CRY1: variants seen among roughly 807,000 people sequenced by gnomAD.
The protein encoded by CRY1 is cryptochrome-1.
A neutral mutation model predicts 76.0 loss-of-function variants in CRY1; 45 were observed. The observed-to-expected ratio is 0.59, with a 90% CI of 0.47 to 0.76. The LOEUF is 0.76. CRY1 is among the 30% of genes least tolerant of loss of function. The pLI, the probability that CRY1 is intolerant of heterozygous loss-of-function variation, is 0.00. For synonymous variants in CRY1, 248 were observed against 244.0 expected (o/e 1.02, Z -0.15); for missense variants, 587 against 716.4 (o/e 0.82, Z 2.06).
chr12:107,016,175 T>C (rs1038871918), intron 2 of CRY1, among the ~76,000 whole-genome samples: 2 of 152,060 alleles, frequency 1.3e-5, no homozygotes, highest in Non-Finnish European at 2.9e-5. Context: ...CTGGGCATGG[T>C]GGCGCACTCC....
intron 2 of CRY1, among the ~76,000 whole-genome samples, chr12:107,014,138 C>T (rs1301284514): frequency 6.6e-6 from 1 of 152,176 alleles, no homozygotes; most frequent in African/African-American, 2.4e-5. Context: ...ACACAACCTT[C>T]CCTGTAAAGA....
At chr12:107,053,632 A>T (rs1224243392) in intron 1 of CRY1, among the ~76,000 whole-genome samples, 1 of 152,166 alleles carries the variant, frequency 6.6e-6, no homozygotes, top group African/African-American at 2.4e-5. Context: ...ATGTATTTCC[A>T]AAAAGAGAAA....
Position 107,093,192 on chromosome 12 carries a change from G to C in CRY1, c.-231C>G, listed in dbSNP as rs1335241164. 4.1e-6 allele frequency: 2 copies of C among 490,616 alleles called. No individual in the cohort carries two copies. The highest frequency in any genetic ancestry group is 6.9e-6 in the Non-Finnish European group (2 of 287,934). The allele number at this position is 490,616 out of a possible 1,614,324, so 30.4% of individuals were successfully genotyped here. On this transcript the variant is annotated 5_prime_UTR_variant, in exon 1 of 13. Transcript: ENST00000008527. ...CTAGTCGGCGGAGTCCGGGTGTGAC[G>C]CCCTTTAGGAGCCCGCGCCCGCCGC...
intron 1 of CRY1, among the ~76,000 whole-genome samples, chr12:107,039,585 C>A (rs917093655): frequency 2.0e-5 from 3 of 152,118 alleles, no homozygotes; most frequent in African/African-American, 7.2e-5. Flanking sequence ...CATCACAAAT[C>A]ATTAGAGAAA....
At chr12:107,025,972 T>TTCA (rs1952603813) in intron 1 of CRY1, among the ~76,000 whole-genome samples, 1 of 150,550 alleles carries the variant, frequency 6.6e-6, no homozygotes, top group Non-Finnish European at 1.5e-5. Flanking sequence ...TCCCTTTAAG[T>TTCA]TCATATCACA....
At chr12:107,009,098 T>C (rs373257528) in intron 2 of CRY1, among the ~76,000 whole-genome samples, 6 of 152,248 alleles carry the variant, frequency 3.9e-5, no homozygotes, top group African/African-American at 1.4e-4. Context: ...GGGTGTTGAA[T>C]TATGTCAGAT....
intron 2 of CRY1, among the ~76,000 whole-genome samples, chr12:107,012,732 C>T (rs1333644419): frequency 2.0e-5 from 3 of 152,052 alleles, no homozygotes; most frequent in African/African-American, 7.2e-5. Flanking sequence ...ATTCTAGATG[C>T]CAATAAGAAC....
intron 1 of CRY1, among the ~76,000 whole-genome samples, chr12:107,079,179 C>T (rs1953293203): frequency 6.6e-6 from 1 of 152,078 alleles, no homozygotes; most frequent in South Asian, 2.1e-4. Flanking sequence ...AAGCTGATTC[C>T]ACCAGTGAAG....
At chr12:107,057,240 CT>C (rs1305886482) in intron 1 of CRY1, among the ~76,000 whole-genome samples, 2 of 152,108 alleles carry the variant, frequency 1.3e-5, no homozygotes, top group Non-Finnish European at 2.9e-5. Context: ...AAAATCTACA[CT>C]GACTAAACAA....
chr12:107,017,184 T>C (rs528447335), intron 2 of CRY1, among the ~76,000 whole-genome samples: 10 of 152,338 alleles, frequency 6.6e-5, no homozygotes, highest in African/African-American at 2.4e-4. Context: ...CCTAACATGA[T>C]CTATAAAGCC....
intron 1 of CRY1, among the ~76,000 whole-genome samples, chr12:107,026,108 TAAAA>T (rs1952606270): frequency 2.2e-5 from 1 of 46,510 alleles, no homozygotes; most frequent in Non-Finnish European, 4.7e-5. Context: ...AACATATATA[TAAAA>T]TATATATATT....
intron 1 of CRY1, among the ~76,000 whole-genome samples, chr12:107,083,538 T>C (rs922223522): frequency 1.1e-4 from 17 of 152,190 alleles, no homozygotes; most frequent in African/African-American, 3.6e-4. Flanking sequence ...TGGTTCACCA[T>C]ATGCAAATCA....
chr12:107,085,649 G>A (rs939816000), intron 1 of CRY1, among the ~76,000 whole-genome samples: 1 of 152,054 alleles, frequency 6.6e-6, no homozygotes, highest in Non-Finnish European at 1.5e-5. Context: ...AGCACATACC[G>A]GGGCCTGCCA....
At chr12:106,993,555 T>C (rs1157453852) in intron 10 of CRY1, among the ~76,000 whole-genome samples, 1 of 151,880 alleles carries the variant, frequency 6.6e-6, no homozygotes, top group African/African-American at 2.4e-5. Flanking sequence ...TATAGGAGAA[T>C]AGGTTGGCTA....
rs370354984 is a variant in CRY1, at chr12:107,015,859, A to G, written c.267+6225T>C. ...GCTACCATGCCCAGCTAATTTTTAA[A>G]ATTTTCTGTAGAGACAGAGTCTCAC... On this transcript the variant is annotated intron_variant, in intron 2 of 12. Coordinates refer to ENST00000008527, the MANE Select transcript of CRY1 (RefSeq NM_004075.5). Among the ~76,000 whole-genome samples the G allele has an allele frequency of 3.3e-5, 5 of 151,374 alleles. No homozygotes were observed. In the East Asian group the frequency reaches 9.9e-4, roughly 30 times the overall value.
intron 1 of CRY1, among the ~76,000 whole-genome samples, chr12:107,034,291 C>T (rs1952709484): frequency 6.6e-6 from 1 of 152,090 alleles, no homozygotes; most frequent in South Asian, 2.1e-4. Flanking sequence ...AGATGTTACC[C>T]TATATGGTCT....
At chr12:107,037,734 A>G (rs185988250) in intron 1 of CRY1, among the ~76,000 whole-genome samples, 9 of 151,978 alleles carry the variant, frequency 5.9e-5, no homozygotes, top group South Asian at 2.1e-4. Flanking sequence ...TTAGAGAAAG[A>G]GTCTCACTCT....
chr12:107,024,582 G>A (rs1287214191), intron 1 of CRY1, among the ~76,000 whole-genome samples: 2 of 152,074 alleles, frequency 1.3e-5, no homozygotes, highest in Non-Finnish European at 2.9e-5. Context: ...TCCCCACGTT[G>A]CCCAGGCTGG....
intron 1 of CRY1, among the ~76,000 whole-genome samples, chr12:107,052,780 C>T (rs1397839901): frequency 6.6e-6 from 1 of 152,154 alleles, no homozygotes; most frequent in Non-Finnish European, 1.5e-5. Flanking sequence ...ACTCAAAAAA[C>T]CAGTATGGCC....
Sources: allele counts gnomAD v4.1 joint callset (sites outside exome capture counted in the v4.1 genomes callset), GRCh38; gene constraint gnomAD v4.1.1; transcripts MANE v1.5; gene names NCBI Gene and HGNC (gene_info 2026-07-23, HGNC 2026-07-21).